Variants in HHAT observed in about 807,000 individuals in gnomAD.
HHAT encodes protein-cysteine N-palmitoyltransferase HHAT.
Under a neutral mutation model 70.8 loss-of-function variants are expected in HHAT, and 47 were observed. That is an observed-to-expected ratio of 0.66 (90% CI 0.53 to 0.85). The LOEUF is 0.85. Ranked by LOEUF, HHAT falls within the 40% of genes least tolerant of loss-of-function variation. The pLI, the probability that HHAT is intolerant of heterozygous loss-of-function variation, is 0.00. For missense variants in HHAT, 609 were observed against 604.8 expected, an observed-to-expected ratio of 1.01 and a Z score of -0.07; for synonymous variants, 228 against 247.6, an observed-to-expected ratio of 0.92 and a Z score of 0.74.
In HHAT at chr1:210,668,145, CCTTCCTTTTAAAGGCTAAATAAT is replaced by C. The variant is rs575057014; in HGVS notation, c.1391-6140_1391-6118del. Among the ~76,000 whole-genome samples, 24 of 152,252 alleles carry C rather than the reference CCTTCCTTTTAAAGGCTAAATAAT, an allele frequency of 1.6e-4. No homozygotes were observed. In the South Asian group the frequency reaches 4.2e-3, roughly 26 times the overall value. On this transcript the variant is annotated intron_variant, in intron 11 of 11. Transcript: ENST00000261458. ...CCATGTTGTAGCATGTGTCAGAATT[CCTTCCTTTTAAAGGCTAAATAAT>C]CTCTTGTATTTTTACACCATGTTCT...
At chr1:210,474,116 A>T (rs2094258459) in intron 8 of HHAT, among the ~76,000 whole-genome samples, 1 of 152,050 alleles carries the variant, frequency 6.6e-6, no homozygotes, top group African/African-American at 2.4e-5. Context: ...TAATTTGGGG[A>T]TCCACAAGCC....
chr1:210,453,820 C>T (rs919428074), intron 7 of HHAT, among the ~76,000 whole-genome samples: 3 of 152,150 alleles, frequency 2.0e-5, no homozygotes, highest in African/African-American at 7.2e-5. Context: ...ATAGATTTTA[C>T]AGAGCACTTC....
chr1:210,521,832 G>C (rs930388825), intron 9 of HHAT, among the ~76,000 whole-genome samples: 1 of 152,326 alleles, frequency 6.6e-6, no homozygotes, highest in Non-Finnish European at 1.5e-5. Flanking sequence ...ACTGGAAACA[G>C]AAGTTAAGGA....
chr1:210,387,545 G>A lies in HHAT; in HGVS notation c.237G>A (p.Met79Ile), dbSNP rs1373594134. The A allele has an allele frequency of 6.2e-7, 1 of 1,614,008 alleles. No individual in the cohort carries two copies. Among genetic ancestry groups the A allele is most frequent in the Admixed American group, 1.7e-5 (1 of 60,010 alleles). ...TGGTGTGGCTTCTCCTTGGCCACAT[G>A]GTAGTGTCTCAAATGGCCACACTGC... ...QWLVWLLLGH[M>I]VVSQMATLLA... is the part of the protein sequence containing the mutation. The change falls in exon 4 of 12, where the codon ATG (methionine) becomes ATA (isoleucine). Residue 79 changes from methionine (M) to isoleucine (I), a missense_variant. By Grantham distance (10) the Met-to-Ile change is conservative. Transcript: ENST00000261458.
At chr1:210,559,500 G>A (rs987527550) in intron 9 of HHAT, among the ~76,000 whole-genome samples, 5 of 152,200 alleles carry the variant, frequency 3.3e-5, no homozygotes, top group Non-Finnish European at 7.4e-5. Context: ...CTTATACATA[G>A]ATCATAGCTC....
intron 9 of HHAT, among the ~76,000 whole-genome samples, chr1:210,532,625 C>T (rs2095326797): frequency 6.6e-6 from 1 of 152,166 alleles, no homozygotes; most frequent in South Asian, 2.1e-4. Flanking sequence ...ATTCTCCAGA[C>T]CCCATATTGG....
intron 8 of HHAT, among the ~76,000 whole-genome samples, chr1:210,479,653 T>C (rs2094361311): frequency 6.6e-6 from 1 of 152,214 alleles, no homozygotes; most frequent in South Asian, 2.1e-4. Context: ...TTACCAGTGA[T>C]TAGCTTTAAA....
At chr1:210,480,210 G>A (rs1179957512) in intron 8 of HHAT, among the ~76,000 whole-genome samples, 4 of 152,110 alleles carry the variant, frequency 2.6e-5, no homozygotes, top group Non-Finnish European at 4.4e-5. Context: ...TGACACCAAC[G>A]TCCAAAGTGT....
chr1:210,644,602 CAA>C (rs57190952), intron 11 of HHAT, among the ~76,000 whole-genome samples: 96 of 64,018 alleles, frequency 1.5e-3, no homozygotes, highest in African/African-American at 4.4e-3. Context: ...GACTCCATCT[CAA>C]AAAAAAAAAA....
intron 10 of HHAT, among the ~76,000 whole-genome samples, chr1:210,601,697 C>T (rs1481677839): frequency 6.6e-6 from 1 of 152,092 alleles, no homozygotes; most frequent in Non-Finnish European, 1.5e-5. Flanking sequence ...GGCCTCCTAT[C>T]AGAGTACTCA....
chr1:210,368,466 A>G, intron 3 of HHAT, among the ~76,000 whole-genome samples: 1 of 151,966 alleles, frequency 6.6e-6, no homozygotes, highest in East Asian at 1.9e-4. Flanking sequence ...TAGATTTTGT[A>G]TTTTTAGTAG....
chr1:210,353,349 G>A (rs1209569264), intron 2 of HHAT, among the ~76,000 whole-genome samples: 3 of 151,678 alleles, frequency 2.0e-5, no homozygotes, highest in Non-Finnish European at 4.4e-5. Flanking sequence ...ATATTTTTCT[G>A]GCCATGTCAA....
In HHAT at chr1:210,407,744, A is replaced by C. The variant is rs3765858; in HGVS notation, c.684+3065A>C. ...GAACTCGGATACCAAGTCAGCGGTG[A>C]GACAGGGATCCTGGGGGACTTAGGG... On this transcript the variant is annotated intron_variant, in intron 6 of 11. Transcript: ENST00000261458. 8.3e-3 allele frequency among the ~76,000 whole-genome samples: 1,265 copies of C among 152,270 alleles called. 39 individuals are homozygous for C. The East Asian group carries it at 0.12, about 14-fold the overall frequency.
intron 7 of HHAT, among the ~76,000 whole-genome samples, chr1:210,432,134 G>C (rs1264390274): frequency 6.6e-6 from 1 of 151,758 alleles, no homozygotes; most frequent in African/African-American, 2.4e-5. Context: ...AATTTCCCAG[G>C]GATGCGACTG....
At chr1:210,595,196 A>G (rs1315883310) in intron 10 of HHAT, among the ~76,000 whole-genome samples, 1 of 151,762 alleles carries the variant, frequency 6.6e-6, no homozygotes, top group African/African-American at 2.4e-5. Flanking sequence ...ATTCCCACCT[A>G]TGAGTGAGAA....
chr1:210,632,310 G>A (rs1462201673), intron 11 of HHAT, among the ~76,000 whole-genome samples: 1 of 152,212 alleles, frequency 6.6e-6, no homozygotes, highest in Non-Finnish European at 1.5e-5. Flanking sequence ...TCACAGCAAG[G>A]AAATCGAGTA....
At chr1:210,375,823 A>G (rs1056527152) in intron 3 of HHAT, among the ~76,000 whole-genome samples, 14 of 148,774 alleles carry the variant, frequency 9.4e-5, no homozygotes, top group Non-Finnish European at 1.8e-4. Flanking sequence ...TCTTGTTCAG[A>G]TTGGGTGATT....
intron 8 of HHAT, among the ~76,000 whole-genome samples, chr1:210,477,374 T>G (rs907824580): frequency 6.6e-6 from 1 of 152,230 alleles, no homozygotes; most frequent in Non-Finnish European, 1.5e-5. Flanking sequence ...TCCCTAGAGT[T>G]GCTTTTTGTG....
intron 9 of HHAT, among the ~76,000 whole-genome samples, chr1:210,539,229 A>G (rs1428859737): frequency 6.6e-6 from 1 of 152,204 alleles, no homozygotes; most frequent in Non-Finnish European, 1.5e-5. Flanking sequence ...CTGCCTGGCA[A>G]TACCTCAGGC....
Sources: allele counts gnomAD v4.1 joint callset (sites outside exome capture counted in the v4.1 genomes callset), GRCh38; gene constraint gnomAD v4.1.1; transcripts MANE v1.5; gene names NCBI Gene and HGNC (gene_info 2026-07-23, HGNC 2026-07-21).